The following EPHA3 variants were observed in gnomAD, a reference collection of about 807,000 sequenced individuals.
EPHA3 encodes the protein ephrin type-A receptor 3.
EPHA3 carries 42 observed loss-of-function variants against 107.1 expected under a neutral mutation model. The observed-to-expected ratio is 0.39, with a 90% confidence interval of 0.31 to 0.51. The LOEUF is 0.51. Among genes scored for constraint, EPHA3 ranks in the 20% least tolerant of loss-of-function variants. The pLI is 0.78. For missense variants in EPHA3, 1,183 were observed against 1,211.2 expected, an observed-to-expected ratio of 0.98 and a Z score of 0.35; for synonymous variants, 461 against 424.8, an observed-to-expected ratio of 1.09 and a Z score of -1.05.
intron 5 of EPHA3, among the ~76,000 whole-genome samples, chr3:89,372,528 C>T (rs1708328061): frequency 6.6e-6 from 1 of 151,516 alleles, no homozygotes; most frequent in Non-Finnish European, 1.5e-5. Flanking sequence ...CTCTTAACCA[C>T]TTCATCAGAC....
chr3:89,354,953 C>G lies in EPHA3; in HGVS notation c.1306+12863C>G, dbSNP rs544188648. Among the ~76,000 whole-genome samples, 3 of 151,120 alleles carry G rather than the reference C, an allele frequency of 2.0e-5. No individual in the cohort carries two copies. In the East Asian group the frequency reaches 5.8e-4, roughly 29 times the overall value. ...AGTAAAATCTTGACTGCCTGGTACA[C>G]AGGTGGTGTGATTTCTTCTTTGAAA... On this transcript the variant is annotated intron_variant, in intron 5 of 16. Coordinates refer to ENST00000336596, the MANE Select transcript of EPHA3 (RefSeq NM_005233.6).
chr3:89,219,149 CA>C (rs1371153864), intron 3 of EPHA3, among the ~76,000 whole-genome samples: 2 of 151,922 alleles, frequency 1.3e-5, no homozygotes, highest in South Asian at 2.1e-4. Flanking sequence ...ATCATTTACC[CA>C]TTTTTTCACA....
chr3:89,209,782 A>T (rs1383311661), intron 2 of EPHA3, 78 bp from the exon 3 acceptor site: 3 of 1,216,096 alleles, frequency 2.5e-6, no homozygotes, highest in South Asian at 1.6e-5. Context: ...TTATATAGAG[A>T]TGGCTCTGAC....
intron 3 of EPHA3, among the ~76,000 whole-genome samples, chr3:89,305,787 C>A (rs1706606517): frequency 6.6e-6 from 1 of 152,098 alleles, no homozygotes; most frequent in African/African-American, 2.4e-5. Context: ...GACTACTTGG[C>A]CCTATTTTAT....
chr3:89,188,962 C>T (rs1373367257), intron 2 of EPHA3, among the ~76,000 whole-genome samples: 4 of 152,124 alleles, frequency 2.6e-5, no homozygotes, highest in Non-Finnish European at 5.9e-5. Flanking sequence ...TCATACTAGG[C>T]CCTCAAGAAA....
intron 3 of EPHA3, among the ~76,000 whole-genome samples, chr3:89,240,732 T>A (rs1485287852): frequency 6.6e-6 from 1 of 151,908 alleles, no homozygotes; most frequent in Admixed American, 6.6e-5. Flanking sequence ...AACTAAACTA[T>A]AGAAAAATAA....
At chr3:89,182,296 A>G (rs1042431446) in intron 2 of EPHA3, among the ~76,000 whole-genome samples, 4 of 151,950 alleles carry the variant, frequency 2.6e-5, no homozygotes, top group Non-Finnish European at 5.9e-5. Flanking sequence ...GTAAAAGATC[A>G]GTCCGGGAAT....
Position 89,450,199 on chromosome 3 carries a change from G to A in EPHA3, c.2519G>A (p.Gly840Asp), listed in dbSNP as rs556754042. 1 of 1,607,072 alleles carries A rather than the reference G, an allele frequency of 6.2e-7. No individual in the cohort carries two copies. Among genetic ancestry groups the A allele is most frequent in the Non-Finnish European group, 8.5e-7 (1 of 1,176,774 alleles). The change falls in exon 15 of 17, where the codon GGC becomes GAC. Residue 840 changes from glycine (G) to aspartate (D), a missense_variant. By Grantham distance (94) the Gly-to-Asp change is moderately conservative (BLOSUM62 -1). Coordinates refer to ENST00000336596, the MANE Select transcript of EPHA3 (RefSeq NM_005233.6). ...NQDVIKAVDEGYRLPPPMDCP... is the reference protein window; with the variant it reads ...NQDVIKAVDEDYRLPPPMDCP... Reference sequence around the variant, plus strand: ...CAGGTAATTAAAGCTGTAGATGAGGGCTATCGACTGCCACCCCCCATGGAC... The same window carrying A: ...CAGGTAATTAAAGCTGTAGATGAGGACTATCGACTGCCACCCCCCATGGAC...
At chr3:89,469,982 A>G (rs1710368180) in intron 15 of EPHA3, among the ~76,000 whole-genome samples, 1 of 152,054 alleles carries the variant, frequency 6.6e-6, no homozygotes, top group South Asian at 2.1e-4. Flanking sequence ...AATACTCCTA[A>G]TTTTGGAGAT....
chr3:89,143,631 T>C (rs1253880175), intron 2 of EPHA3, among the ~76,000 whole-genome samples: 4 of 151,612 alleles, frequency 2.6e-5, no homozygotes, highest in African/African-American at 9.7e-5. Context: ...GTTGCAAAGA[T>C]AGTACAGAGT....
chr3:89,361,272 G>GA (rs1434270362), intron 5 of EPHA3, among the ~76,000 whole-genome samples: 1 of 150,904 alleles, frequency 6.6e-6, no homozygotes, highest in Non-Finnish European at 1.5e-5. Context: ...TTTTTGTTAA[G>GA]ATCCCTTTTT....
At chr3:89,302,181 C>T (rs539170506) in intron 3 of EPHA3, among the ~76,000 whole-genome samples, 1 of 152,116 alleles carries the variant, frequency 6.6e-6, no homozygotes, top group African/African-American at 2.4e-5. Context: ...AAAAAGTTGT[C>T]ATCTGTCATT....
intron 7 of EPHA3, chr3:89,399,694 A>G: frequency 8.0e-7 from 1 of 1,255,028 alleles, no homozygotes; most frequent in African/African-American, 1.5e-5. Context: ...TTGTATGCAA[A>G]TCAAACATAT....
intron 5 of EPHA3, among the ~76,000 whole-genome samples, chr3:89,380,823 C>G (rs1299630446): frequency 6.7e-6 from 1 of 148,890 alleles, no homozygotes; most frequent in East Asian, 2.0e-4. Flanking sequence ...AGCTGGGGGG[C>G]AGTGGCGCAA....
chr3:89,208,423 G>GAAGGAAGGAAGGAAGAAAGAAAGC (rs74193305), intron 2 of EPHA3, among the ~76,000 whole-genome samples: 1 of 37,554 alleles, frequency 2.7e-5, no homozygotes, highest in Non-Finnish European at 4.7e-5. Context: ...AGGAAGGAAG[G>GAAGGAAGGAAGGAAGAAAGAAAGC]AAGAAAGAAA....
At chr3:89,460,101 C>T (rs991316217) in intron 15 of EPHA3, among the ~76,000 whole-genome samples, 6 of 151,842 alleles carry the variant, frequency 4.0e-5, no homozygotes, top group Middle Eastern at 3.4e-3. Flanking sequence ...TAGTAAGATA[C>T]CCTTTTTATT....
At chr3:89,116,845 C>A (rs994523513) in intron 1 of EPHA3, among the ~76,000 whole-genome samples, 2 of 151,904 alleles carry the variant, frequency 1.3e-5, no homozygotes, top group African/African-American at 4.8e-5. Context: ...CCCCTTACTT[C>A]CAGAGAATTC....
intron 3 of EPHA3, among the ~76,000 whole-genome samples, chr3:89,268,526 G>C (rs2107293455): frequency 6.6e-6 from 1 of 151,560 alleles, no homozygotes; most frequent in Non-Finnish European, 1.5e-5. Context: ...GGTCTATCTG[G>C]TTTTCATGTT....
At chr3:89,185,852 G>T (rs1303310767) in intron 2 of EPHA3, among the ~76,000 whole-genome samples, 2 of 152,020 alleles carry the variant, frequency 1.3e-5, no homozygotes, top group African/African-American at 4.8e-5. Context: ...AGGGATAAAT[G>T]GTTCAGTAGT....
Sources: gnomAD v4.1 joint callset for allele counts (sites outside exome capture counted in the v4.1 genomes callset) on GRCh38, gnomAD v4.1.1 for gene constraint, MANE v1.5 for transcripts, NCBI Gene and HGNC (gene_info 2026-07-23, HGNC 2026-07-21) for gene names.